Variants in GLIS3 observed in about 807,000 individuals in gnomAD.
GLIS3 encodes the protein GLIS family zinc finger 3, also known as zinc finger protein GLIS3.
A neutral mutation model predicts 78.6 loss-of-function variants in GLIS3; 53 were observed. The ratio of observed to expected loss-of-function variants is 0.67; its 90% CI spans 0.54 to 0.85. GLIS3 has a LOEUF of 0.85. Among genes scored for constraint, GLIS3 ranks in the 40% least tolerant of loss-of-function variants. The pLI is 0.00. For missense variants in GLIS3, 1,703 were observed against 1,231.1 expected (o/e 1.38, Z -5.74); for synonymous variants, 684 against 509.9 (o/e 1.34, Z -4.60).
chr9:4,173,089 G>A (rs967941140), intron 2 of GLIS3, among the ~76,000 whole-genome samples: 5 of 152,066 alleles, frequency 3.3e-5, no homozygotes, highest in African/African-American at 4.8e-5. Context: ...TTGGAACCTC[G>A]CCTCTAAATC....
At chr9:4,423,531 A>T in the GLIS3 span, among the ~76,000 whole-genome samples, 4 of 152,154 alleles carry the variant, frequency 2.6e-5, no homozygotes, top group Non-Finnish European at 5.9e-5. Context: ...AGCCTACAGG[A>T]CATCACTTAT....
chr9:3,925,261 T>C (rs1419123741), intron 6 of GLIS3, among the ~76,000 whole-genome samples: 1 of 152,172 alleles, frequency 6.6e-6, no homozygotes, highest in Non-Finnish European at 1.5e-5. Context: ...CTGTGTGACT[T>C]TATCATAGCA....
At chr9:3,861,803 G>C (rs1456732033) in intron 8 of GLIS3, among the ~76,000 whole-genome samples, 1 of 152,166 alleles carries the variant, frequency 6.6e-6, no homozygotes, top group Non-Finnish European at 1.5e-5. Flanking sequence ...AGGGGAGGGA[G>C]AGCATCAGGA....
intron 2 of GLIS3, among the ~76,000 whole-genome samples, chr9:4,250,436 G>C (rs1455646989): frequency 6.6e-6 from 1 of 152,142 alleles, no homozygotes; most frequent in Non-Finnish European, 1.5e-5. Flanking sequence ...ATGGTACTTT[G>C]TATTTCTGTG....
At chr9:4,336,775 T>G (rs1368977822) in intron 2 of GLIS3, among the ~76,000 whole-genome samples, 1 of 152,204 alleles carries the variant, frequency 6.6e-6, no homozygotes, top group African/African-American at 2.4e-5. Flanking sequence ...ATTCCTTTAG[T>G]TGGCAAGTTT....
At chr9:3,876,366 CACAAAAAGGAAAACAA>C (rs1821308912) in intron 8 of GLIS3, among the ~76,000 whole-genome samples, 1 of 151,610 alleles carries the variant, frequency 6.6e-6, no homozygotes, top group Admixed American at 6.6e-5. Flanking sequence ...ATCCCTGAAT[CACAAAAAGGAAAACAA>C]ACAAAAATCT....
chr9:3,968,741 G>A (rs1362120229), intron 4 of GLIS3, among the ~76,000 whole-genome samples: 1 of 152,150 alleles, frequency 6.6e-6, no homozygotes, highest in Admixed American at 6.6e-5. Flanking sequence ...AAGAACTCAT[G>A]TAACCACCAT....
intron 2 of GLIS3, among the ~76,000 whole-genome samples, chr9:4,205,968 ATTGT>A (rs1174979432): frequency 1.3e-5 from 2 of 152,104 alleles, no homozygotes; most frequent in Admixed American, 6.6e-5. Context: ...GTTTTTGTTC[ATTGT>A]TTGTTTGTTT....
At chr9:4,488,534 T>A in the GLIS3 span, among the ~76,000 whole-genome samples, 1 of 151,876 alleles carries the variant, frequency 6.6e-6, no homozygotes, top group South Asian at 2.1e-4. Flanking sequence ...CTTTTTTTTT[T>A]ATGAGACAGG....
rs373900336 is a variant in GLIS3, at chr9:3,834,590, CAAATT to C, written c.2474-5103_2474-5099del. On this transcript the variant is annotated intron_variant, in intron 9 of 10. Coordinates refer to ENST00000381971, the MANE Select transcript of GLIS3 (RefSeq NM_001042413.2). ...AGCCAACTTTGTTTCAAGAGTATTT[CAAATT>C]AAATTCTAGAAAGAAAAACACATGA... 2.2e-3 allele frequency among the ~76,000 whole-genome samples: 339 copies of C among 152,214 alleles called. 2 individuals are homozygous for C. Among genetic ancestry groups the C allele is most frequent in the African/African-American group, 7.9e-3 (328 of 41,544 alleles).
chr9:4,366,280 T>C, the GLIS3 span, among the ~76,000 whole-genome samples: 1 of 151,770 alleles, frequency 6.6e-6, no homozygotes, highest in African/African-American at 2.4e-5. Flanking sequence ...GCCAGAATCA[T>C]TGTCGTCAAA....
At chr9:4,126,820 A>C (rs1586747213) in intron 2 of GLIS3, among the ~76,000 whole-genome samples, 6 of 152,308 alleles carry the variant, frequency 3.9e-5, no homozygotes, top group Admixed American at 3.9e-4. Flanking sequence ...CAGTAACTAT[A>C]CACTCTGTTC....
intron 2 of GLIS3, among the ~76,000 whole-genome samples, chr9:4,327,184 G>A (rs182608621): frequency 2.0e-5 from 3 of 152,240 alleles, no homozygotes; most frequent in African/African-American, 7.2e-5. Context: ...AGTGTCCAGT[G>A]TCCCAGGCAG....
intron 8 of GLIS3, among the ~76,000 whole-genome samples, chr9:3,860,373 C>G (rs1236654078): frequency 6.1e-5 from 9 of 147,212 alleles, no homozygotes; most frequent in Admixed American, 2.0e-4. Context: ...TAAAGAATGT[C>G]TGATTATTTG....
chr9:3,967,010 G>GAAAAAAA (rs1563901200), intron 4 of GLIS3, among the ~76,000 whole-genome samples: 2 of 27,860 alleles, frequency 7.2e-5, no homozygotes, highest in Non-Finnish European at 1.4e-4. Context: ...ATTTCTTTCT[G>GAAAAAAA]CAAAAAAAAA....
chr9:4,397,925 T>G, the GLIS3 span, among the ~76,000 whole-genome samples: 1 of 152,056 alleles, frequency 6.6e-6, no homozygotes, highest in African/African-American at 2.4e-5. Flanking sequence ...TCCTCCATTG[T>G]GGGTCCCTGC....
rs763450609 is a variant in GLIS3, at chr9:4,286,159, T to G, written c.267A>C (p.Gln89His). ...IHLPALSPRRQMLTNGKPRFQ... is the reference protein window; with the variant it reads ...IHLPALSPRRHMLTNGKPRFQ... The stretch of plus-strand genomic sequence containing the variant: ...ATCGCGGCTTCCCATTGGTGAGCAT[T>G]TGTCTCCTGGGGCTTAAGGCAGGCA... Residue 89 changes from glutamine (Q) to histidine (H), a missense_variant, in exon 2 of 11, where the codon CAA (glutamine) becomes CAC (histidine). Physicochemically the swap from Gln to His is conservative, Grantham distance 24. Coordinates refer to ENST00000381971, the MANE Select transcript of GLIS3 (RefSeq NM_001042413.2). 2 of 1,614,060 alleles carry G rather than the reference T, an allele frequency of 1.2e-6. No homozygotes were observed. Among genetic ancestry groups the G allele is most frequent in the Non-Finnish European group, 1.7e-6 (2 of 1,180,034 alleles).
intron 4 of GLIS3, among the ~76,000 whole-genome samples, chr9:4,107,649 C>G (rs1830866255): frequency 6.6e-6 from 1 of 151,572 alleles, no homozygotes; most frequent in Admixed American, 6.6e-5. Context: ...ATGTTACTGC[C>G]CAAGAGTATC....
chr9:4,358,001 T>C, the GLIS3 span, among the ~76,000 whole-genome samples: 1 of 152,208 alleles, frequency 6.6e-6, no homozygotes, highest in African/African-American at 2.4e-5. Flanking sequence ...TGCCTTTGTT[T>C]TTTAAAAAAT....
Sources: allele counts gnomAD v4.1 joint callset (sites outside exome capture counted in the v4.1 genomes callset), GRCh38; gene constraint gnomAD v4.1.1; transcripts MANE v1.5; gene names NCBI Gene and HGNC (gene_info 2026-07-23, HGNC 2026-07-21).